Variants in TMPRSS12 observed in about 807,000 individuals in gnomAD.
TMPRSS12 encodes transmembrane protease serine 12.
TMPRSS12 carries 25 observed loss-of-function variants against 26.0 expected under a neutral mutation model. The ratio of observed to expected loss-of-function variants is 0.96; its 90% CI spans 0.70 to 1.34. TMPRSS12 has a LOEUF of 1.34. TMPRSS12 is among the 40% of genes most tolerant of loss of function. The pLI is 0.00. For missense variants in TMPRSS12, 441 were observed against 440.1 expected, an observed-to-expected ratio of 1.00 and a Z score of -0.02; for synonymous variants, 150 against 161.7, an observed-to-expected ratio of 0.93 and a Z score of 0.55.
At chr12:50,878,200 G>GGA (rs1455670981) in intron 3 of TMPRSS12, among the ~76,000 whole-genome samples, 3 of 139,694 alleles carry the variant, frequency 2.1e-5, no homozygotes, top group African/African-American at 5.3e-5. Flanking sequence ...TTATTTTGGG[G>GGA]AAAAAAAAAA....
chr12:50,866,923 G>T (rs2139729107), intron 3 of TMPRSS12, among the ~76,000 whole-genome samples: 1 of 152,314 alleles, frequency 6.6e-6, no homozygotes, highest in South Asian at 2.1e-4. Flanking sequence ...ACATCCATAA[G>T]AAAGGTGGGG....
At chr12:50,854,760 T>A (rs185796106) in intron 2 of TMPRSS12, among the ~76,000 whole-genome samples, 1 of 152,256 alleles carries the variant, frequency 6.6e-6, no homozygotes, top group East Asian at 1.9e-4. Flanking sequence ...TAACCAGGGA[T>A]GTGAAAGCTC....
At chr12:50,843,809 T>C (rs775823768) in intron 1 of TMPRSS12, 33 bp from the exon 2 acceptor site, 8 of 1,541,936 alleles carry the variant, frequency 5.2e-6, no homozygotes. Context: ...CTATAGATGC[T>C]CAGTCCAAAT....
intron 3 of TMPRSS12, among the ~76,000 whole-genome samples, chr12:50,876,372 G>A (rs966056738): frequency 2.6e-5 from 4 of 152,190 alleles, no homozygotes; most frequent in African/African-American, 9.7e-5. Flanking sequence ...AATCACCGCT[G>A]CACCCAGCAA....
chr12:50,856,179 G>A (rs759580343), intron 2 of TMPRSS12, among the ~76,000 whole-genome samples: 59 of 152,114 alleles, frequency 3.9e-4, no homozygotes, highest in Non-Finnish European at 7.8e-4. Flanking sequence ...AAACCAGCAC[G>A]TGTACCCCCG....
intron 3 of TMPRSS12, among the ~76,000 whole-genome samples, chr12:50,880,956 T>A (rs1191674296): frequency 1.4e-5 from 2 of 139,942 alleles, no homozygotes; most frequent in African/African-American, 5.2e-5. Context: ...GAGACAGGAA[T>A]CAGTAATTTC....
At chr12:50,864,550 C>T (rs1937970495) in intron 3 of TMPRSS12, among the ~76,000 whole-genome samples, 1 of 151,972 alleles carries the variant, frequency 6.6e-6, no homozygotes, top group African/African-American at 2.4e-5. Flanking sequence ...CATATTAAGC[C>T]TCCCAAGGAC....
chr12:50,851,171 T>G (rs1404548362), intron 2 of TMPRSS12, among the ~76,000 whole-genome samples: 1 of 152,174 alleles, frequency 6.6e-6, no homozygotes, highest in Non-Finnish European at 1.5e-5. Flanking sequence ...TCCAAATGAC[T>G]ACAATAGCTC....
chr12:50,881,493 T>C (rs1008543633), intron 3 of TMPRSS12, among the ~76,000 whole-genome samples: 1 of 152,162 alleles, frequency 6.6e-6, no homozygotes, highest in East Asian at 1.9e-4. Context: ...GACAAAAGGG[T>C]AAGCTTTTTA....
At chr12:50,844,836 G>A (rs1937752882) in intron 2 of TMPRSS12, among the ~76,000 whole-genome samples, 1 of 152,124 alleles carries the variant, frequency 6.6e-6, no homozygotes, top group Non-Finnish European at 1.5e-5. Flanking sequence ...TATGAACACT[G>A]AAATCTGAAT....
chr12:50,877,913 A>G (rs1938127595), intron 3 of TMPRSS12, among the ~76,000 whole-genome samples: 1 of 152,128 alleles, frequency 6.6e-6, no homozygotes, highest in East Asian at 1.9e-4. Context: ...CCCGGCCCAT[A>G]ATAGCATTTA....
rs142438602 is a variant in TMPRSS12 at position 50,861,429 on chromosome 12, T to C, written c.652+2376T>C. On this transcript the variant is annotated intron_variant, in intron 3 of 4. Transcript: ENST00000398458. The stretch of plus-strand genomic sequence containing the variant: ...ATCTGTGAATACTTTTTAAAGAAGA[T>C]AAGGAAAGCAACATGGTGTAGGGAA... Among the ~76,000 whole-genome samples the C allele has an allele frequency of 7.8e-4, 118 of 152,106 alleles. 5 individuals are homozygous for C. The East Asian group carries it at 0.021, about 28-fold the overall frequency.
intron 3 of TMPRSS12, among the ~76,000 whole-genome samples, chr12:50,883,352 A>G (rs1048186597): frequency 1.2e-4 from 18 of 152,306 alleles, no homozygotes; most frequent in African/African-American, 4.3e-4. Context: ...AATAGAATTA[A>G]TCATAACCAA....
At chr12:50,874,183 T>G (rs1938092319) in intron 3 of TMPRSS12, among the ~76,000 whole-genome samples, 2 of 152,062 alleles carry the variant, frequency 1.3e-5, no homozygotes, top group South Asian at 4.1e-4. Context: ...TATTACACAC[T>G]CAGAAAATAG....
chr12:50,853,043 A>G (rs996771859), intron 2 of TMPRSS12, among the ~76,000 whole-genome samples: 3 of 152,224 alleles, frequency 2.0e-5, no homozygotes, highest in African/African-American at 7.2e-5. Flanking sequence ...TAATCCACAC[A>G]TAACACATAC....
Position 50,887,254 on chromosome 12 carries a change from T to C in TMPRSS12, c.796-8T>C, listed in dbSNP as rs1938235750. On this transcript the variant is annotated splice_region_variant and splice_polypyrimidine_tract_variant and intron_variant, in intron 4 of 4. Coordinates refer to ENST00000398458, the MANE Select transcript of TMPRSS12 (RefSeq NM_182559.3). ...GTAACAAACACTATTTTGGGACTTT[T>C]TTGACAGGGTGACAGTGGGGGACCA... 1 of 1,610,934 alleles carries C rather than the reference T, an allele frequency of 6.2e-7. No homozygotes were observed. Among genetic ancestry groups the C allele is most frequent in the Admixed American group, 1.7e-5 (1 of 59,446 alleles).
At chr12:50,872,864 CTA>C (rs1198317851) in intron 3 of TMPRSS12, among the ~76,000 whole-genome samples, 1 of 12,252 alleles carries the variant, frequency 8.2e-5, no homozygotes, top group Admixed American at 7.3e-4. Flanking sequence ...ATATATATGA[CTA>C]TATATGTACA....
At chr12:50,857,396 A>G (rs889905226) in intron 2 of TMPRSS12, among the ~76,000 whole-genome samples, 11 of 152,164 alleles carry the variant, frequency 7.2e-5, no homozygotes, top group Non-Finnish European at 4.4e-5. Context: ...CAAATTGCCC[A>G]TCTATTTACA....
intron 3 of TMPRSS12, among the ~76,000 whole-genome samples, chr12:50,868,207 C>G (rs1375867362): frequency 6.6e-6 from 1 of 152,154 alleles, no homozygotes; most frequent in African/African-American, 2.4e-5. Context: ...GAACTGCAGA[C>G]TGGATGAGAA....
Sources: allele counts gnomAD v4.1 joint callset (sites outside exome capture counted in the v4.1 genomes callset), GRCh38; gene constraint gnomAD v4.1.1; transcripts MANE v1.5; gene names NCBI Gene and HGNC (gene_info 2026-07-23, HGNC 2026-07-21).